The following STRA8 variants were observed in gnomAD, a reference collection of about 807,000 sequenced individuals.
STRA8 encodes stimulated by retinoic acid gene 8 protein homolog.
Under a neutral mutation model 37.1 loss-of-function variants are expected in STRA8, and 18 were observed. That is an observed-to-expected ratio of 0.48 (90% confidence interval 0.34 to 0.72). The LOEUF (loss-of-function observed/expected upper bound fraction) is 0.72, where lower values mean the gene tolerates loss of function less well. Among genes scored for constraint, STRA8 ranks in the 30% least tolerant of loss-of-function variants. STRA8 has a pLI of 0.01. For missense variants in STRA8, 357 were observed against 410.4 expected, an observed-to-expected ratio of 0.87 and a Z score of 1.13; for synonymous variants, 168 against 162.9, an observed-to-expected ratio of 1.03 and a Z score of -0.24.
At chr7:135,248,398 GT>G (rs56251270) in intron 6 of STRA8, among the ~76,000 whole-genome samples, 151,053 of 152,084 alleles carry the variant, frequency 0.99, 75,024 homozygotes, top group East Asian at 1. Flanking sequence ...CACCTGTGGA[GT>G]TTTTTTTTAA....
rs1449331819 is a variant in STRA8 at position 135,251,825 on chromosome 7, A to G, written c.909A>G (p.Ala303=). 3 of 1,614,138 alleles carry G rather than the reference A, an allele frequency of 1.9e-6. No homozygotes were observed. In the East Asian group the frequency reaches 6.7e-5, roughly 36 times the overall value. ...EILFEDAFDV[A]SFLDKSEVPS... is the part of the protein sequence containing the mutation. ...TTTTTGAGGATGCCTTTGATGTGGCAAGCTTCCTGGACAAAAGTGAGGTTC... is the reference window on the plus strand; with the variant it reads ...TTTTTGAGGATGCCTTTGATGTGGCGAGCTTCCTGGACAAAAGTGAGGTTC... The change falls in exon 7 of 9, where the codon GCA becomes GCG. Residue 303 remains alanine, a synonymous_variant. Coordinates refer to ENST00000662584, the MANE Select transcript of STRA8 (RefSeq NM_001394401.1).
chr7:135,251,620 C>A (rs146726432), intron 6 of STRA8, among the ~76,000 whole-genome samples, 176 bp from the exon 7 acceptor site: 1 of 152,040 alleles, frequency 6.6e-6, no homozygotes, highest in Admixed American at 6.5e-5. Context: ...TTAGCATTTA[C>A]CCCCTAGGAA....
intron 1 of STRA8, among the ~76,000 whole-genome samples, chr7:135,237,809 T>C (rs1180755354): frequency 3.9e-5 from 6 of 151,922 alleles, no homozygotes; most frequent in Non-Finnish European, 7.4e-5. Context: ...GGAGAATCGC[T>C]TGAACCCGGG....
At chr7:135,238,420 C>T (rs953442990) in intron 1 of STRA8, among the ~76,000 whole-genome samples, 9 of 152,176 alleles carry the variant, frequency 5.9e-5, no homozygotes, top group Non-Finnish European at 1.2e-4. Flanking sequence ...TGAAACTGTC[C>T]ACACAGCCAT....
At chr7:135,243,994 A>G (rs551806832) in intron 4 of STRA8, among the ~76,000 whole-genome samples, 74 of 152,260 alleles carry the variant, frequency 4.9e-4, no homozygotes, top group Non-Finnish European at 8.2e-4. Context: ...TCATACTTTG[A>G]AGGAGAAACT....
At chr7:135,237,721 G>A (rs1361572724) in intron 1 of STRA8, among the ~76,000 whole-genome samples, 3 of 152,034 alleles carry the variant, frequency 2.0e-5, no homozygotes, top group African/African-American at 2.4e-5. Flanking sequence ...GTGAAACCCC[G>A]TCTCTACTAA....
chr7:135,250,551 G>A (rs1559531), intron 6 of STRA8, among the ~76,000 whole-genome samples: 624 of 152,298 alleles, frequency 4.1e-3, no homozygotes, highest in Non-Finnish European at 7.3e-3. Context: ...TCAATTGAAG[G>A]AAGACAGAAA....
At position 135,246,764 on chromosome 7, in the gene STRA8, G is replaced by A. The variant is rs963871492; in HGVS notation, c.879+62G>A. ...GGGAACCACCCTCGCCCTCGCCTGG[G>A]GACACCAGGGCTTTGCATTTAGCAG... On this transcript the variant is annotated intron_variant, in intron 6 of 8. Coordinates refer to ENST00000662584, the MANE Select transcript of STRA8 (RefSeq NM_001394401.1). The surrounding 1 kb of genome is among the most constrained non-coding windows in gnomAD (Gnocchi z 5.4). The A allele has an allele frequency of 1.1e-4, 159 of 1,448,634 alleles. No homozygotes were observed. Among genetic ancestry groups the A allele is most frequent in the Non-Finnish European group, 1.3e-4 (144 of 1,102,770 alleles). The allele number at this position is 1,448,634 out of a possible 1,614,324, so 89.7% of individuals were successfully genotyped here. A position where few individuals can be genotyped will look rare whatever the true frequency, so the allele number is the denominator to read the frequency against.
In STRA8 at chr7:135,236,123, A is replaced by C. The variant is rs536758334; in HGVS notation, c.-7+2220A>C. 2.6e-5 allele frequency among the ~76,000 whole-genome samples: 4 copies of C among 152,078 alleles called. No individual in the cohort carries two copies. In the East Asian group the frequency reaches 7.7e-4, roughly 29 times the overall value. ...TCTCAAAAGAAATAGGAAAAAAAAAAACCTTAAGAACTAGAGCCCAGAGGT... is the reference window on the plus strand; with the variant it reads ...TCTCAAAAGAAATAGGAAAAAAAAACACCTTAAGAACTAGAGCCCAGAGGT... On this transcript the variant is annotated intron_variant, in intron 1 of 8. Coordinates refer to ENST00000662584, the MANE Select transcript of STRA8 (RefSeq NM_001394401.1).
rs143560326 is a variant in STRA8 at position 135,237,270 on chromosome 7, T to C, written c.-6-3249T>C. On this transcript the variant is annotated intron_variant, in intron 1 of 8. Coordinates refer to ENST00000662584, the MANE Select transcript of STRA8 (RefSeq NM_001394401.1). ...CCTAGGGAGGAGAGTTCCAGACTGT[T>C]TTCTCTACACTGCTATAATTCCTTA... Among the ~76,000 whole-genome samples the C allele has an allele frequency of 9.2e-5, 14 of 152,326 alleles. 2 individuals carry two copies. The highest frequency in any genetic ancestry group is 3.4e-4 in the African/African-American group (14 of 41,572).
chr7:135,250,492 G>T (rs969570030), intron 6 of STRA8, among the ~76,000 whole-genome samples: 1 of 152,062 alleles, frequency 6.6e-6, no homozygotes, highest in Non-Finnish European at 1.5e-5. Flanking sequence ...GAAAATGTCC[G>T]GAAAACTAAG....
rs758929773 is a variant in STRA8, at chr7:135,246,712, C to T, written c.879+10C>T. 16 of 1,510,150 alleles carry T rather than the reference C, an allele frequency of 1.1e-5. No individual in the cohort carries two copies. The highest frequency in any genetic ancestry group is 1.1e-5 in the Non-Finnish European group (13 of 1,137,846). The allele number at this position is 1,510,150 out of a possible 1,614,324, so 93.5% of individuals were successfully genotyped here. A position where few individuals can be genotyped will look rare whatever the true frequency, so the allele number is the denominator to read the frequency against. ...CTCCACGCCCGAGGAGGTGAGCAGG[C>T]CCACCGGGGTGGCGTGGATGGGGCA... On this transcript the variant is annotated intron_variant, in intron 6 of 8. Coordinates refer to ENST00000662584, the MANE Select transcript of STRA8 (RefSeq NM_001394401.1). The surrounding 1 kb of genome is among the most constrained non-coding windows in gnomAD (Gnocchi z 5.4).
At chr7:135,256,805 GACAACAACAACAAC>G (rs926894970) in intron 8 of STRA8, among the ~76,000 whole-genome samples, 4 of 152,016 alleles carry the variant, frequency 2.6e-5, no homozygotes, top group Non-Finnish European at 5.9e-5. Context: ...ACTCTCTCCA[GACAACAACAACAAC>G]AGAACAAAGC....
At chr7:135,232,257 G>A (rs888235645), upstream of STRA8, among the ~76,000 whole-genome samples, 13 of 151,900 alleles carry the variant, frequency 8.6e-5, no homozygotes, top group Admixed American at 2.0e-4. Flanking sequence ...CCAGCAACAC[G>A]GCAGGTAGGG....
intron 6 of STRA8, among the ~76,000 whole-genome samples, chr7:135,251,225 A>T (rs1209641516): frequency 6.6e-6 from 1 of 152,208 alleles, no homozygotes; most frequent in African/African-American, 2.4e-5. Context: ...TAATTCTTGG[A>T]ATAGCCCTAT....
intron 2 of STRA8, among the ~76,000 whole-genome samples, chr7:135,241,013 G>A (rs1173322876): frequency 6.6e-6 from 1 of 152,084 alleles, no homozygotes; most frequent in Non-Finnish European, 1.5e-5. Context: ...AGACAAACAG[G>A]TTCCCTCAGG....
rs777263843 is a variant in STRA8 at position 135,247,530 on chromosome 7, A to T, written c.879+828A>T. Among the ~76,000 whole-genome samples, 69 of 152,264 alleles carry T rather than the reference A, an allele frequency of 4.5e-4. 1 individual carries two copies. The Middle Eastern group carries it at 0.014, about 30-fold the overall frequency. On this transcript the variant is annotated intron_variant, in intron 6 of 8. Coordinates refer to ENST00000662584, the MANE Select transcript of STRA8 (RefSeq NM_001394401.1). ...TTTCCTACGAAAGCTCTTTCTTAAGAGTTAAGGAAGAACTTTTCCGGAACC... is the reference window on the plus strand; with the variant it reads ...TTTCCTACGAAAGCTCTTTCTTAAGTGTTAAGGAAGAACTTTTCCGGAACC...
upstream of STRA8, among the ~76,000 whole-genome samples, chr7:135,232,409 G>GC (rs1442401615): frequency 7.9e-5 from 12 of 151,868 alleles, no homozygotes; most frequent in Non-Finnish European, 1.3e-4. Context: ...GCCAGAAATG[G>GC]GGCAGCGACC....
At chr7:135,239,606 G>A (rs1832430408) in intron 1 of STRA8, among the ~76,000 whole-genome samples, 1 of 152,176 alleles carries the variant, frequency 6.6e-6, no homozygotes. Context: ...CTAGTGGGGA[G>A]TAGATCTCTG....
Sources: allele counts gnomAD v4.1 joint callset (sites outside exome capture counted in the v4.1 genomes callset), GRCh38; gene constraint gnomAD v4.1.1; non-coding constraint Gnocchi (gnomAD v3.1); transcripts MANE v1.5; gene names NCBI Gene and HGNC (gene_info 2026-07-23, HGNC 2026-07-21).